The following DNAL4 variants were observed in gnomAD, a reference collection of about 807,000 sequenced individuals.
The protein encoded by DNAL4 is dynein axonemal light chain 4.
Under a neutral mutation model 12.6 loss-of-function variants are expected in DNAL4, and 10 were observed. That is an observed-to-expected ratio of 0.79 (90% CI 0.49 to 1.34). The LOEUF is 1.34. Ranked by LOEUF, DNAL4 falls within the 40% of genes most tolerant of loss-of-function variation. The pLI, the probability that DNAL4 is intolerant of heterozygous loss-of-function variation, is 0.00. For missense variants in DNAL4, 128 were observed against 138.1 expected (o/e 0.93, Z 0.37); for synonymous variants, 46 against 53.1 (o/e 0.87, Z 0.58).
intron 1 of DNAL4, among the ~76,000 whole-genome samples, chr22:38,786,605 G>A (rs938336243): frequency 1.1e-4 from 16 of 152,126 alleles, no homozygotes; most frequent in South Asian, 6.2e-4. Context: ...TGTGCCCACC[G>A]CCAGGGTACT....
chr22:38,785,351 A>G (rs2093040717), intron 1 of DNAL4: 1 of 152,226 alleles, frequency 6.6e-6, no homozygotes, highest in Admixed American at 6.5e-5. Context: ...AGGGGGAACA[A>G]TGAAAAATGT....
intron 1 of DNAL4, among the ~76,000 whole-genome samples, chr22:38,784,339 AGGCCCGGCTGTC>A (rs967635494): frequency 1.3e-5 from 2 of 152,112 alleles, no homozygotes; most frequent in African/African-American, 4.8e-5. Flanking sequence ...GTGTGAATCC[AGGCCCGGCTGTC>A]GGCATGGGCA....
At position 38,779,983 on chromosome 22, in the gene DNAL4, G is replaced by C. The variant is rs1484700837; in HGVS notation, c.154-370C>G. Among the ~76,000 whole-genome samples the C allele has an allele frequency of 6.6e-6, 1 of 152,180 alleles. No homozygotes were observed. Among genetic ancestry groups the C allele is most frequent in the Non-Finnish European group, 1.5e-5 (1 of 68,024 alleles). Reference sequence around the variant, plus strand: ...CAAGCGGGGCACCAGGCAGTCTCAGGACCAACTGGATGGAGAGACCTGGCA... The same window carrying C: ...CAAGCGGGGCACCAGGCAGTCTCAGCACCAACTGGATGGAGAGACCTGGCA... On this transcript the variant is annotated intron_variant, in intron 3 of 3. Transcript: ENST00000216068. The surrounding 1 kb of genome is among the most constrained non-coding windows in gnomAD (Gnocchi z 4.3).
intron 1 of DNAL4, among the ~76,000 whole-genome samples, chr22:38,786,741 C>T (rs907737130): frequency 3.3e-5 from 5 of 152,284 alleles, no homozygotes; most frequent in Non-Finnish European, 5.9e-5. Flanking sequence ...CATCTGTGGG[C>T]TTTACATATC....
At chr22:38,784,655 C>T (rs188831317) in intron 1 of DNAL4, among the ~76,000 whole-genome samples, 188 of 152,160 alleles carry the variant, frequency 1.2e-3, no homozygotes, top group African/African-American at 3.1e-3. Context: ...GGACTACAGG[C>T]GCCCACCACC....
Position 38,779,084 on chromosome 22 carries a change from GC to G in DNAL4, c.*364del, listed in dbSNP as rs2093030234. 1 of 182,660 alleles carries G rather than the reference GC, an allele frequency of 5.5e-6. No individual in the cohort carries two copies. Among genetic ancestry groups the G allele is most frequent in the South Asian group, 1.8e-4 (1 of 5,478 alleles). 11.3% of individuals were successfully genotyped at this position (182,660 alleles called of 1,614,324 possible). On this transcript the variant is annotated 3_prime_UTR_variant, in exon 4 of 4. Transcript: ENST00000216068. The surrounding 1 kb of genome is among the most constrained non-coding windows in gnomAD (Gnocchi z 4.3). Reference sequence around the variant, plus strand: ...TCCCGGCAGTACTGGGGATGGCAGGGCAGTGGGGCTCCCAGGATGCAAGGGG... The same window carrying G: ...TCCCGGCAGTACTGGGGATGGCAGGGAGTGGGGCTCCCAGGATGCAAGGGG...
At chr22:38,790,150 G>C (rs1277829239) in intron 1 of DNAL4, among the ~76,000 whole-genome samples, 1 of 152,148 alleles carries the variant, frequency 6.6e-6, no homozygotes, top group African/African-American at 2.4e-5. Flanking sequence ...CACCATGCCT[G>C]GCAAGATGTG....
At chr22:38,792,875 G>A (rs2093053166) in intron 1 of DNAL4, among the ~76,000 whole-genome samples, 1 of 152,224 alleles carries the variant, frequency 6.6e-6, no homozygotes, top group Non-Finnish European at 1.5e-5. Context: ...TAAAAGTGTA[G>A]GATAGTAAAC....
chr22:38,793,870 C>T (rs1381180232), intron 1 of DNAL4, among the ~76,000 whole-genome samples, 198 bp downstream of exon 1: 1 of 148,884 alleles, frequency 6.7e-6, no homozygotes, highest in Non-Finnish European at 1.5e-5. Context: ...AAACCTGTCA[C>T]GACAGAGCTC....
intron 1 of DNAL4, among the ~76,000 whole-genome samples, chr22:38,792,851 CTG>C (rs1241940726): frequency 6.6e-6 from 1 of 152,132 alleles, no homozygotes; most frequent in Admixed American, 6.5e-5. Flanking sequence ...GGAGTGTACA[CTG>C]TAAAATAACA....
At position 38,782,812 on chromosome 22, in the gene DNAL4, T is replaced by C. The variant is rs149945094; in HGVS notation, c.-81A>G. Reference sequence around the variant, plus strand: ...TGGCAGTTAAGACACACCCAGGAGATTCAGGAAGCAGGCCCTGCCAACTCG... The same window carrying C: ...TGGCAGTTAAGACACACCCAGGAGACTCAGGAAGCAGGCCCTGCCAACTCG... On this transcript the variant is annotated 5_prime_UTR_variant, in exon 2 of 4. Transcript: ENST00000216068. The surrounding 1 kb of genome is among the most constrained non-coding windows in gnomAD (Gnocchi z 5.1). 1 of 1,380,778 alleles carries C rather than the reference T, an allele frequency of 7.2e-7. No homozygotes were observed. Among genetic ancestry groups the C allele is most frequent in the East Asian group, 2.7e-5 (1 of 36,978 alleles). 85.5% of individuals were successfully genotyped at this position (1,380,778 alleles called of 1,614,324 possible).
At chr22:38,789,574 CCTGATTATG>C (rs570688753) in intron 1 of DNAL4, among the ~76,000 whole-genome samples, 128 of 152,262 alleles carry the variant, frequency 8.4e-4, no homozygotes, top group African/African-American at 3.0e-3. Flanking sequence ...CCATGCCTGG[CCTGATTATG>C]CTTTTTCAAC....
In DNAL4 at chr22:38,779,641, G is replaced by T; in HGVS notation, c.154-28C>A. The T allele has an allele frequency of 6.3e-7, 1 of 1,581,192 alleles. No individual in the cohort carries two copies. Among genetic ancestry groups the T allele is most frequent in the South Asian group, 1.2e-5 (1 of 86,892 alleles). ...GGAAGGAAGAGGGCACTTATCAAGGGGGCGCAGGGCAGGTGGGGGCAGGAG... is the reference window on the plus strand; with the variant it reads ...GGAAGGAAGAGGGCACTTATCAAGGTGGCGCAGGGCAGGTGGGGGCAGGAG... On this transcript the variant is annotated intron_variant, in intron 3 of 3. Coordinates refer to ENST00000216068, the MANE Select transcript of DNAL4 (RefSeq NM_005740.3). The surrounding 1 kb of genome is among the most constrained non-coding windows in gnomAD (Gnocchi z 4.3).
Position 38,779,321 on chromosome 22 carries a change from G to T in DNAL4, c.*128C>A. 2 of 1,250,914 alleles carry T rather than the reference G, an allele frequency of 1.6e-6. No individual in the cohort carries two copies. Among genetic ancestry groups the T allele is most frequent in the Non-Finnish European group, 2.1e-6 (2 of 932,378 alleles). 77.5% of individuals were successfully genotyped at this position (1,250,914 alleles called of 1,614,324 possible). A position where few individuals can be genotyped will look rare whatever the true frequency, so the allele number is the denominator to read the frequency against. On this transcript the variant is annotated 3_prime_UTR_variant, in exon 4 of 4. Coordinates refer to ENST00000216068, the MANE Select transcript of DNAL4 (RefSeq NM_005740.3). The surrounding 1 kb of genome is among the most constrained non-coding windows in gnomAD (Gnocchi z 4.3). ...CACACTGGGCGTGGCTCAGGAAACT[G>T]GTACACAAAGACAAAAAGAAAAGAC...
chr22:38,785,637 TAAG>T (rs2093041183), intron 1 of DNAL4: 1 of 152,262 alleles, frequency 6.6e-6, no homozygotes, highest in Admixed American at 6.5e-5. Flanking sequence ...CTTGCAGAGC[TAAG>T]AACTGTGTGG....
At chr22:38,787,945 C>A (rs1219475087) in intron 1 of DNAL4, among the ~76,000 whole-genome samples, 1 of 152,184 alleles carries the variant, frequency 6.6e-6, no homozygotes, top group African/African-American at 2.4e-5. Context: ...ATCGGAACCC[C>A]AATCCATCCT....
Position 38,780,995 on chromosome 22 carries a change from T to A in DNAL4, c.84A>T (p.Pro28=). 6.2e-7 allele frequency: 1 copy of A among 1,614,058 alleles called. No homozygotes were observed. The highest frequency in any genetic ancestry group is 1.1e-5 in the South Asian group (1 of 91,072). The change falls in exon 3 of 4, where the codon CCA becomes CCT. Residue 28 remains proline (P), a synonymous_variant. Coordinates refer to ENST00000216068, the MANE Select transcript of DNAL4 (RefSeq NM_005740.3). ...TFPLVRHSDM[P]EEMRVETMEL... is the part of the protein sequence containing the mutation. ...CCATGGTCTCCACGCGCATCTCCTC[T>A]GGCATGTCCGAGTGCTAGAGACAGG...
intron 1 of DNAL4, among the ~76,000 whole-genome samples, chr22:38,790,312 T>C (rs923986689): frequency 1.3e-5 from 2 of 151,932 alleles, no homozygotes; most frequent in African/African-American, 4.8e-5. Context: ...GTCACAGGCA[T>C]GAAATACTTG....
At chr22:38,780,455 G>A (rs1161437457) in intron 3 of DNAL4, among the ~76,000 whole-genome samples, 2 of 152,318 alleles carry the variant, frequency 1.3e-5, no homozygotes, top group African/African-American at 2.4e-5. Flanking sequence ...CCTCCCCACC[G>A]GCTGCCGCAA....
Sources: allele counts gnomAD v4.1 joint callset (sites outside exome capture counted in the v4.1 genomes callset), GRCh38; gene constraint gnomAD v4.1.1; non-coding constraint Gnocchi (gnomAD v3.1); transcripts MANE v1.5; gene names NCBI Gene and HGNC (gene_info 2026-07-23, HGNC 2026-07-21).